Variants in CDH18 observed in about 807,000 individuals in gnomAD.
CDH18 encodes cadherin 18, also known as cadherin-18.
A neutral mutation model predicts 67.9 loss-of-function variants in CDH18; 31 were observed. The observed-to-expected ratio is 0.46, with a 90% CI of 0.34 to 0.62. The LOEUF (loss-of-function observed/expected upper bound fraction) is 0.62, where lower values mean the gene tolerates loss of function less well. Ranked by LOEUF, CDH18 falls within the 20% of genes least tolerant of loss-of-function variation. The pLI, the probability that CDH18 is intolerant of heterozygous loss-of-function variation, is 0.01. For synonymous variants in CDH18, 362 were observed against 347.2 expected (o/e 1.04, Z -0.48); for missense variants, 890 against 975.5 (o/e 0.91, Z 1.17).
chr5:19,913,300 C>G (rs1272084225), intron 2 of CDH18, among the ~76,000 whole-genome samples: 1 of 151,908 alleles, frequency 6.6e-6, no homozygotes, highest in Non-Finnish European at 1.5e-5. Flanking sequence ...GAAAGAAAAA[C>G]ACAAATAAAG....
intron 11 of CDH18, among the ~76,000 whole-genome samples, chr5:19,499,110 T>G (rs1368492250): frequency 4.6e-5 from 7 of 152,208 alleles, no homozygotes; most frequent in Admixed American, 4.6e-4. Flanking sequence ...TGAGCTCCAA[T>G]TTTGTGCCTG....
chr5:19,948,385 TCTA>T (rs1388583851), intron 2 of CDH18, among the ~76,000 whole-genome samples: 1 of 152,186 alleles, frequency 6.6e-6, no homozygotes, highest in Non-Finnish European at 1.5e-5. Flanking sequence ...AACTGAATTA[TCTA>T]TGTGATGGAA....
chr5:19,487,341 G>C (rs1397330582), intron 11 of CDH18, among the ~76,000 whole-genome samples: 1 of 152,122 alleles, frequency 6.6e-6, no homozygotes, highest in Non-Finnish European at 1.5e-5. Context: ...AGAAATTTCT[G>C]CTTCTCTTTA....
intron 2 of CDH18, among the ~76,000 whole-genome samples, chr5:20,088,016 C>T (rs1388958963): frequency 1.3e-5 from 2 of 152,064 alleles, no homozygotes; most frequent in Admixed American, 1.3e-4. Context: ...GGAAAAGAAA[C>T]GTATCACTAG....
At chr5:19,562,909 C>CT (rs1561353721) in intron 8 of CDH18, among the ~76,000 whole-genome samples, 1 of 152,080 alleles carries the variant, frequency 6.6e-6, no homozygotes, top group Non-Finnish European at 1.5e-5. Context: ...GGGACTCCAA[C>CT]TTTTTTTATA....
intron 2 of CDH18, among the ~76,000 whole-genome samples, chr5:19,846,950 T>C (rs1336136537): frequency 6.6e-6 from 1 of 151,994 alleles, no homozygotes; most frequent in African/African-American, 2.4e-5. Flanking sequence ...ACTTTTAATA[T>C]ATTATCCTGT....
chr5:20,358,867 C>A (rs1741844997), intron 1 of CDH18, among the ~76,000 whole-genome samples: 1 of 150,724 alleles, frequency 6.6e-6, no homozygotes, highest in African/African-American at 2.4e-5. Context: ...TAAAAATATT[C>A]AAGAAATGTT....
At chr5:19,753,764 A>T (rs146011956) in intron 3 of CDH18, among the ~76,000 whole-genome samples, 2 of 152,340 alleles carry the variant, frequency 1.3e-5, no homozygotes, top group Non-Finnish European at 2.9e-5. Flanking sequence ...AACCTATCAG[A>T]TTGACAGCAG....
At chr5:20,100,403 G>T (rs1746353050) in intron 2 of CDH18, among the ~76,000 whole-genome samples, 1 of 151,962 alleles carries the variant, frequency 6.6e-6, no homozygotes, top group South Asian at 2.1e-4. Flanking sequence ...AATCAATTTT[G>T]GGTCCCTTGT....
intron 2 of CDH18, among the ~76,000 whole-genome samples, chr5:20,116,319 G>A (rs1747907799): frequency 6.6e-6 from 1 of 152,030 alleles, no homozygotes; most frequent in Non-Finnish European, 1.5e-5. Context: ...AGATCAGGCT[G>A]GCCAACATGA....
chr5:20,218,893 TTTA>T (rs138846873), intron 2 of CDH18, among the ~76,000 whole-genome samples: 76,943 of 151,184 alleles, frequency 0.51, 19,922 homozygotes, highest in Middle Eastern at 0.65. Flanking sequence ...AAGAGGGGAG[TTTA>T]TAGCAATAAG....
Position 20,386,297 on chromosome 5 carries a change from G to A in CDH18, c.-579-130792C>T, listed in dbSNP as rs577793133. The stretch of plus-strand genomic sequence containing the variant: ...ATTTATTCCTACTAGAGAGTCTATT[G>A]CGATTTGCCACATAATTGGTAAATC... On this transcript the variant is annotated intron_variant, in intron 1 of 14. Transcript: ENST00000507958. Among the ~76,000 whole-genome samples, 9 of 152,186 alleles carry A rather than the reference G, an allele frequency of 5.9e-5. No homozygotes were observed. The East Asian group carries it at 1.7e-3, about 29-fold the overall frequency.
At chr5:20,528,967 A>C (rs373538519) in intron 1 of CDH18, among the ~76,000 whole-genome samples, 65 of 151,804 alleles carry the variant, frequency 4.3e-4, no homozygotes, top group African/African-American at 1.5e-3. Flanking sequence ...GGTTTTGTGA[A>C]AAAAAATCAG....
intron 2 of CDH18, among the ~76,000 whole-genome samples, chr5:20,025,783 C>G (rs1421788865): frequency 6.6e-6 from 1 of 152,182 alleles, no homozygotes; most frequent in African/African-American, 2.4e-5. Flanking sequence ...ATTGTTAGTG[C>G]CAATTCAAAA....
intron 1 of CDH18, among the ~76,000 whole-genome samples, chr5:20,419,371 C>T (rs948832647): frequency 2.0e-5 from 3 of 151,436 alleles, no homozygotes; most frequent in Admixed American, 6.6e-5. Context: ...GCTGGCTCCA[C>T]GGGTTCTCTG....
intron 1 of CDH18, among the ~76,000 whole-genome samples, chr5:20,285,255 T>TA (rs1561939648): frequency 6.6e-6 from 1 of 151,240 alleles, no homozygotes. Context: ...CAGATAAAAT[T>TA]TATTGTCTTC....
chr5:20,500,208 A>G (rs1458973159), intron 1 of CDH18, among the ~76,000 whole-genome samples: 2 of 152,130 alleles, frequency 1.3e-5, no homozygotes, highest in Non-Finnish European at 2.9e-5. Flanking sequence ...TAGGCACTCA[A>G]ACAATTAAAT....
At chr5:20,377,029 A>AAG (rs1260320280) in intron 1 of CDH18, among the ~76,000 whole-genome samples, 1 of 151,904 alleles carries the variant, frequency 6.6e-6, no homozygotes, top group African/African-American at 2.4e-5. Flanking sequence ...AAAAAAAAAA[A>AAG]AAATATTAGG....
chr5:20,240,476 T>G (rs1742814292), intron 2 of CDH18, among the ~76,000 whole-genome samples: 1 of 152,200 alleles, frequency 6.6e-6, no homozygotes, highest in South Asian at 2.1e-4. Context: ...AGACCAGACT[T>G]GATAGATTAC....
Sources: gnomAD v4.1 joint callset for allele counts (sites outside exome capture counted in the v4.1 genomes callset) on GRCh38, gnomAD v4.1.1 for gene constraint, MANE v1.5 for transcripts, NCBI Gene and HGNC (gene_info 2026-07-23, HGNC 2026-07-21) for gene names.